The following ADARB2 variants were observed in gnomAD, a reference collection of about 807,000 sequenced individuals.
The protein encoded by ADARB2 is adenosine deaminase RNA specific B2 (inactive), also known as inactive double-stranded RNA-specific editase B2.
In ADARB2, 25 loss-of-function variants were observed where a neutral mutation model predicts 62.2. The ratio of observed to expected loss-of-function variants is 0.40; its 90% CI spans 0.29 to 0.56. The LOEUF is 0.56. Among genes scored for constraint, ADARB2 ranks in the 20% least tolerant of loss-of-function variants. The pLI is 0.43. For missense variants in ADARB2, 1,071 were observed against 1,077.4 expected (o/e 0.99, Z 0.08); for synonymous variants, 572 against 500.8 (o/e 1.14, Z -1.90).
chr10:1,487,018 A>T (rs1342138833), intron 1 of ADARB2, among the ~76,000 whole-genome samples: 1 of 152,236 alleles, frequency 6.6e-6, no homozygotes, highest in African/African-American at 2.4e-5. Context: ...TGTGTGTGAG[A>T]ATTATCTGCA....
chr10:1,584,608 T>G (rs370927355), intron 1 of ADARB2, among the ~76,000 whole-genome samples: 41 of 152,298 alleles, frequency 2.7e-4, no homozygotes, highest in African/African-American at 9.6e-4. Context: ...CAAAGGAGTT[T>G]AAAACTTATG....
intron 1 of ADARB2, among the ~76,000 whole-genome samples, chr10:1,720,658 A>T (rs1200421053): frequency 6.6e-6 from 1 of 152,176 alleles, no homozygotes; most frequent in African/African-American, 2.4e-5. Flanking sequence ...CTCATGGATG[A>T]TGGGGTGAAA....
chr10:1,471,452 G>A (rs1274217010), intron 1 of ADARB2, among the ~76,000 whole-genome samples: 1 of 152,010 alleles, frequency 6.6e-6, no homozygotes, highest in Non-Finnish European at 1.5e-5. Flanking sequence ...GTGCAATGGC[G>A]AGGTCTCGGC....
In ADARB2 at chr10:1,363,261, G is replaced by C. The variant is rs574530472; in HGVS notation, c.844C>G (p.Leu282Val). 8.4e-6 allele frequency: 11 copies of C among 1,302,446 alleles called. No individual in the cohort carries two copies. The highest frequency in any genetic ancestry group is 7.3e-5 in the Admixed American group (2 of 27,312). The allele number at this position is 1,302,446 out of a possible 1,614,324, so 80.7% of individuals were successfully genotyped here. A position where few individuals can be genotyped will look rare whatever the true frequency, so the allele number is the denominator to read the frequency against. ...AAPGERNPVVLLNRLRAGLRY... is the reference protein window; with the variant it reads ...AAPGERNPVVVLNRLRAGLRY... ...AGCCCGGCGCGCAGGCGGTTCAGCA[G>C]CACCACGGGGTTGCGCTCGCCCGGG... Residue 282 changes from leucine to valine, a missense_variant, in exon 3 of 10, where the codon CTG (leucine) becomes GTG (valine). Coordinates refer to ENST00000381312, the MANE Select transcript of ADARB2 (RefSeq NM_018702.4).
intron 1 of ADARB2, among the ~76,000 whole-genome samples, chr10:1,446,795 T>C (rs186945753): frequency 1.7e-4 from 26 of 152,346 alleles, no homozygotes; most frequent in Admixed American, 1.2e-3. Context: ...TGGACTTTGA[T>C]AAGTTTTGCT....
At chr10:1,491,148 C>T (rs900474666) in intron 1 of ADARB2, among the ~76,000 whole-genome samples, 2 of 152,162 alleles carry the variant, frequency 1.3e-5, no homozygotes, top group African/African-American at 4.8e-5. Flanking sequence ...TCATGGCTCA[C>T]ACAAGCCTCA....
At chr10:1,552,173 C>T (rs1832634277) in intron 1 of ADARB2, among the ~76,000 whole-genome samples, 1 of 152,256 alleles carries the variant, frequency 6.6e-6, no homozygotes, top group Non-Finnish European at 1.5e-5. Flanking sequence ...GGCTCTGCAG[C>T]CCCCAGGATG....
At chr10:1,281,180 A>G (rs576063193) in intron 3 of ADARB2, among the ~76,000 whole-genome samples, 109 of 152,322 alleles carry the variant, frequency 7.2e-4, no homozygotes, top group African/African-American at 2.6e-3. Context: ...GAGTTGGTCT[A>G]TTGCTGATGT....
intron 7 of ADARB2, among the ~76,000 whole-genome samples, chr10:1,206,372 C>A (rs548078520): frequency 6.6e-6 from 1 of 150,432 alleles, no homozygotes. Context: ...AGAACTGGGG[C>A]GTCTCCTTGA....
At chr10:1,209,579 ACT>A (rs1837120910) in intron 7 of ADARB2, among the ~76,000 whole-genome samples, 1 of 146,078 alleles carries the variant, frequency 6.8e-6, no homozygotes, top group Non-Finnish European at 1.5e-5. Context: ...CATCACCCAC[ACT>A]CTCACCATCA....
In ADARB2 at chr10:1,271,010, G is replaced by A; in HGVS notation, c.1137C>T (p.Asp379=). ...VTQKFREVTT[D]LTPMHARHKA... ...TATGGCGGGCGTGCATGGGCGTGAG[G>A]TCCGTCGTCACCTCGCGGAACTTCT... Residue 379 remains aspartate (D), a synonymous_variant, in exon 4 of 10, where the codon GAC becomes GAT. Coordinates refer to ENST00000381312, the MANE Select transcript of ADARB2 (RefSeq NM_018702.4). The A allele has an allele frequency of 1.2e-6, 2 of 1,613,790 alleles. No individual in the cohort carries two copies. Among genetic ancestry groups the A allele is most frequent in the Non-Finnish European group, 8.5e-7 (1 of 1,179,880 alleles).
chr10:1,715,922 G>A (rs1159305812), intron 1 of ADARB2, among the ~76,000 whole-genome samples: 5 of 152,200 alleles, frequency 3.3e-5, no homozygotes, highest in Non-Finnish European at 7.3e-5. Flanking sequence ...GCCTGCAGGT[G>A]GTGCTGTGCA....
intron 1 of ADARB2, among the ~76,000 whole-genome samples, chr10:1,729,762 A>T (rs1156821469): frequency 6.6e-6 from 1 of 152,118 alleles, no homozygotes; most frequent in Non-Finnish European, 1.5e-5. Context: ...ATAAGAAGAG[A>T]TTTGACTTGG....
chr10:1,383,758 C>T (rs1832503366), intron 1 of ADARB2, among the ~76,000 whole-genome samples: 1 of 152,184 alleles, frequency 6.6e-6, no homozygotes, highest in Non-Finnish European at 1.5e-5. Flanking sequence ...GCGGATGTGC[C>T]CAGGACTATC....
chr10:1,260,163 G>A (rs1831122413), intron 4 of ADARB2, among the ~76,000 whole-genome samples: 2 of 152,088 alleles, frequency 1.3e-5, no homozygotes, highest in South Asian at 4.2e-4. Flanking sequence ...AAAATAATAA[G>A]AGCTATCTAT....
chr10:1,729,019 G>A (rs1442892215), intron 1 of ADARB2, among the ~76,000 whole-genome samples: 1 of 152,142 alleles, frequency 6.6e-6, no homozygotes, highest in Admixed American at 6.5e-5. Context: ...GAAAAAATTG[G>A]CATAGAATTC....
At chr10:1,665,902 G>T (rs1321902600) in intron 1 of ADARB2, among the ~76,000 whole-genome samples, 1 of 152,182 alleles carries the variant, frequency 6.6e-6, no homozygotes, top group Non-Finnish European at 1.5e-5. Flanking sequence ...ATGAGGGTGC[G>T]GCACGGGGGC....
intron 3 of ADARB2, among the ~76,000 whole-genome samples, chr10:1,324,324 A>G (rs1157004563): frequency 6.6e-6 from 1 of 152,120 alleles, no homozygotes; most frequent in Non-Finnish European, 1.5e-5. Flanking sequence ...GCCACTCTGG[A>G]GGGATGTTTA....
intron 1 of ADARB2, among the ~76,000 whole-genome samples, chr10:1,482,872 A>G (rs945534353): frequency 2.6e-5 from 4 of 152,054 alleles, no homozygotes; most frequent in African/African-American, 9.7e-5. Flanking sequence ...TATGAATAGC[A>G]AGTTCACAAA....
Sources: allele counts gnomAD v4.1 joint callset (sites outside exome capture counted in the v4.1 genomes callset), GRCh38; gene constraint gnomAD v4.1.1; transcripts MANE v1.5; gene names NCBI Gene and HGNC (gene_info 2026-07-23, HGNC 2026-07-21).